ELAC2: variants seen among roughly 807,000 people sequenced by gnomAD.
ELAC2 encodes zinc phosphodiesterase ELAC protein 2.
Under a neutral mutation model 105.2 loss-of-function variants are expected in ELAC2, and 92 were observed. The observed-to-expected ratio is 0.87, with a 90% CI of 0.74 to 1.04. The LOEUF (loss-of-function observed/expected upper bound fraction) is 1.04, where lower values mean the gene tolerates loss of function less well. Among genes scored for constraint, ELAC2 ranks in the 50% least tolerant of loss-of-function variants. The probability of loss-of-function intolerance (pLI) is 0.00; values close to 1 mark genes in which losing one functional copy is unlikely to be tolerated. For missense variants in ELAC2, 1,099 were observed against 1,071.7 expected (o/e 1.03, Z -0.36); for synonymous variants, 468 against 409.1 (o/e 1.14, Z -1.74).
At chr17:13,010,740 T>A (rs1461461694) in intron 7 of ELAC2, 69 bp from the exon 8 acceptor site, 4 of 1,377,360 alleles carry the variant, frequency 2.9e-6, no homozygotes, top group Non-Finnish European at 4.1e-6. Context: ...AGACTGATTA[T>A]GACCCGATAC....
intron 10 of ELAC2, among the ~76,000 whole-genome samples, chr17:13,005,493 T>C (rs1465763157): frequency 1.3e-5 from 2 of 152,152 alleles, no homozygotes; most frequent in East Asian, 3.9e-4. Flanking sequence ...TGAGCTCAAG[T>C]ACCAAGGAAA....
At position 13,005,911 on chromosome 17, in the gene ELAC2, C is replaced by T. The variant is rs765527126; in HGVS notation, c.797+10G>A. 1.2e-6 allele frequency: 2 copies of T among 1,614,016 alleles called. No individual in the cohort carries two copies. Among genetic ancestry groups the T allele is most frequent in the East Asian group, 2.2e-5 (1 of 44,896 alleles). On this transcript the variant is annotated intron_variant, in intron 9 of 23. Coordinates refer to ENST00000338034, the MANE Select transcript of ELAC2 (RefSeq NM_018127.7). ...AGTGAGTCCCCAGAAGCCTTACCCC[C>T]CACACTCACACTGGGAGGCCCATCT...
chr17:13,005,223 A>G, intron 10 of ELAC2, 122 bp from the exon 11 acceptor site: 1 of 774,502 alleles, frequency 1.3e-6, no homozygotes. Flanking sequence ...AACAAAGCAC[A>G]AAACCAACTT....
chr17:12,991,871 T>A lies in ELAC2; in HGVS notation c.*947A>T, dbSNP rs372502970. The stretch of plus-strand genomic sequence containing the variant: ...AACTTACTTACTTACTTACTTACTT[T>A]ACTTACTTACTTCCTTGGAAAATGC... On this transcript the variant is annotated 3_prime_UTR_variant, in exon 24 of 24. Transcript: ENST00000338034. 2.4e-4 allele frequency among the ~76,000 whole-genome samples: 28 copies of A among 118,858 alleles called. No individual in the cohort carries two copies. Among genetic ancestry groups the A allele is most frequent in the Non-Finnish European group, 3.9e-4 (20 of 50,990 alleles). 78.0% of individuals were successfully genotyped at this position (118,858 alleles called of 152,430 possible).
chr17:13,011,589 T>C, intron 7 of ELAC2, 74 bp downstream of exon 7: 1 of 1,611,476 alleles, frequency 6.2e-7, no homozygotes, highest in Non-Finnish European at 8.5e-7. Flanking sequence ...ATAATGACTC[T>C]CTACAAGCAT....
At chr17:12,999,759 C>T (rs1181045167) in intron 15 of ELAC2, among the ~76,000 whole-genome samples, 1 of 152,068 alleles carries the variant, frequency 6.6e-6, no homozygotes, top group Admixed American at 6.5e-5. Context: ...CCCGGGTTCT[C>T]GCCATTCTCC....
At chr17:13,002,769 T>A in intron 12 of ELAC2, 190 bp from the exon 13 acceptor site, 1 of 855,300 alleles carries the variant, frequency 1.2e-6, no homozygotes, top group Non-Finnish European at 1.9e-6. Flanking sequence ...GTTCCCTAGC[T>A]CAGCTGCCTT....
chr17:12,996,431 A>C lies in ELAC2; in HGVS notation c.1659+116T>G, dbSNP rs73981606. 1,137 of 1,490,410 alleles carry C rather than the reference A, an allele frequency of 7.6e-4. 5 individuals carry two copies. In the African/African-American group the frequency reaches 0.013, roughly 17 times the overall value. The allele number at this position is 1,490,410 out of a possible 1,614,324, so 92.3% of individuals were successfully genotyped here. ...AAAAACCATTTCCTAGCCAGAGATG[A>C]GTAACAAAAGCTCTGGGCAAGTTTG... On this transcript the variant is annotated intron_variant, in intron 17 of 23. Coordinates refer to ENST00000338034, the MANE Select transcript of ELAC2 (RefSeq NM_018127.7).
rs1189624400 is a variant in ELAC2, at chr17:13,015,758, A to G, written c.432+10T>C. On this transcript the variant is annotated intron_variant, in intron 4 of 23. Coordinates refer to ENST00000338034, the MANE Select transcript of ELAC2 (RefSeq NM_018127.7). ...GATTGCTTTTGAAAGATGTGTCAGG[A>G]AAGACTCACCAGTTGTGGAGGTCCA... 2.5e-6 allele frequency: 4 copies of G among 1,611,402 alleles called. No homozygotes were observed. Among genetic ancestry groups the G allele is most frequent in the Non-Finnish European group, 2.5e-6 (3 of 1,177,490 alleles).
chr17:13,016,564 C>T (rs962101504), intron 3 of ELAC2, among the ~76,000 whole-genome samples: 1 of 151,758 alleles, frequency 6.6e-6, no homozygotes, highest in South Asian at 2.1e-4. Context: ...ACAGGAGGAT[C>T]GCAGAAGTTT....
Position 13,002,522 on chromosome 17 carries a change from G to A in ELAC2, c.1137C>T (p.Asn379=), listed in dbSNP as rs1406570481. ...VLNENCASVH[N]LRSHKIQTQL... is the part of the protein sequence containing the mutation. ...GGGTTTGAATCTTGTGGCTGCGAAG[G>A]TTGTGAACTGAGGCACAGTTCTCAT... is the stretch of plus-strand genomic sequence containing the variant. The change falls in exon 13 of 24, where the codon AAC becomes AAT. Residue 379 remains asparagine (N), a synonymous_variant. Coordinates refer to ENST00000338034, the MANE Select transcript of ELAC2 (RefSeq NM_018127.7). 1 of 1,605,774 alleles carries A rather than the reference G, an allele frequency of 6.2e-7. No individual in the cohort carries two copies. Among genetic ancestry groups the A allele is most frequent in the African/African-American group, 1.3e-5 (1 of 74,942 alleles).
intron 15 of ELAC2, among the ~76,000 whole-genome samples, chr17:12,999,745 G>A (rs1028576759): frequency 3.9e-5 from 6 of 151,936 alleles, no homozygotes; most frequent in Non-Finnish European, 7.4e-5. Context: ...TGCAAGCTCC[G>A]CCTCCCGGGT....
intron 4 of ELAC2, among the ~76,000 whole-genome samples, chr17:13,014,818 G>A (rs1037814108): frequency 1.3e-5 from 2 of 152,208 alleles, no homozygotes; most frequent in African/African-American, 2.4e-5. Flanking sequence ...GATCCAACTT[G>A]TCTAGAGAAG....
chr17:13,000,075 C>A, intron 15 of ELAC2, 81 bp downstream of exon 15: 2 of 1,325,504 alleles, frequency 1.5e-6, no homozygotes, highest in South Asian at 2.3e-5. Flanking sequence ...TGCGCCCCAC[C>A]AGCACTCCAC....
rs373242425 is a variant in ELAC2 at position 13,017,726 on chromosome 17, G to C, written c.222C>G (p.Leu74=). ...ACCGGTTGAACTCGGAGAAGACGTA[G>C]AGCGCGGCGCCCGAGTCCCGGCTAC... The part of the protein sequence containing the change: ...AAGSRDSGAA[L]YVFSEFNRYL... The change falls in exon 1 of 24, where the codon CTC becomes CTG. Residue 74 remains leucine, a synonymous_variant. Transcript: ENST00000338034. 14 of 1,612,734 alleles carry C rather than the reference G, an allele frequency of 8.7e-6. No homozygotes were observed. In the Middle Eastern group the frequency reaches 4.9e-4, roughly 57 times the overall value.
intron 7 of ELAC2, among the ~76,000 whole-genome samples, chr17:13,011,332 G>A (rs1444019539): frequency 6.6e-6 from 1 of 152,190 alleles, no homozygotes; most frequent in Non-Finnish European, 1.5e-5. Context: ...CACATTAATG[G>A]AAAATTTGCA....
rs2041083368 is a variant in ELAC2, at chr17:13,005,916, C to CAG, written c.797+4_797+5insCT. The CAG allele has an allele frequency of 1.2e-6, 2 of 1,614,092 alleles. No homozygotes were observed. Among genetic ancestry groups the CAG allele is most frequent in the African/African-American group, 2.7e-5 (2 of 74,924 alleles). ...GTCCCCAGAAGCCTTACCCCCCACA[C>CAG]TCACACTGGGAGGCCCATCTCCTTT... On this transcript the variant is annotated splice_donor_region_variant and intron_variant, in intron 9 of 23. Coordinates refer to ENST00000338034, the MANE Select transcript of ELAC2 (RefSeq NM_018127.7).
intron 12 of ELAC2, among the ~76,000 whole-genome samples, chr17:13,003,257 TA>T (rs1415983384): frequency 3.9e-5 from 6 of 152,004 alleles, no homozygotes; most frequent in Admixed American, 3.9e-4. Context: ...GGGTGTAAAA[TA>T]AATGGAATCG....
In ELAC2 at chr17:12,992,661, G is replaced by T; in HGVS notation, c.*157C>A. 2 of 821,810 alleles carry T rather than the reference G, an allele frequency of 2.4e-6. No individual in the cohort carries two copies. The highest frequency in any genetic ancestry group is 1.6e-5 in the South Asian group (1 of 60,958). The allele number at this position is 821,810 out of a possible 1,614,324, so 50.9% of individuals were successfully genotyped here. A position where few individuals can be genotyped will look rare whatever the true frequency, so the allele number is the denominator to read the frequency against. On this transcript the variant is annotated 3_prime_UTR_variant, in exon 24 of 24. Coordinates refer to ENST00000338034, the MANE Select transcript of ELAC2 (RefSeq NM_018127.7). ...GAGGCATCTATAGACTAGTGCTTAT[G>T]TGGGAGCCCAAGCCTCGGCACAGCT...
Sources: gnomAD v4.1 joint callset for allele counts (sites outside exome capture counted in the v4.1 genomes callset) on GRCh38, gnomAD v4.1.1 for gene constraint, MANE v1.5 for transcripts, NCBI Gene and HGNC (gene_info 2026-07-23, HGNC 2026-07-21) for gene names.